Variants in GNA11 observed in about 807,000 individuals in gnomAD.
GNA11 encodes the protein G protein subunit alpha 11, also known as guanine nucleotide-binding protein subunit alpha-11.
Under a neutral mutation model 38.2 loss-of-function variants are expected in GNA11, and 8 were observed. The observed-to-expected ratio is 0.21, with a 90% confidence interval of 0.12 to 0.38. The LOEUF (loss-of-function observed/expected upper bound fraction) is 0.38. GNA11 is among the 10% of genes least tolerant of loss of function. The probability of loss-of-function intolerance (pLI) is 1.00; values close to 1 mark genes in which losing one functional copy is unlikely to be tolerated. For synonymous variants in GNA11, 211 were observed against 221.4 expected (o/e 0.95, Z 0.42); for missense variants, 268 against 516.3 (o/e 0.52, Z 4.66).
rs184222398 is a variant in GNA11 at position 3,097,945 on chromosome 19, A to G, written c.136+3158A>G. 3.1e-4 allele frequency among the ~76,000 whole-genome samples: 46 copies of G among 148,718 alleles called. No homozygotes were observed. In the East Asian group the frequency reaches 7.8e-3, roughly 25 times the overall value. On this transcript the variant is annotated intron_variant, in intron 1 of 6. Transcript: ENST00000078429. ...CCACAGATGTCTCTAGACAGTGCCCATTGTCCCTTGGGGGGCACGTTGCCC... is the reference window on the plus strand; with the variant it reads ...CCACAGATGTCTCTAGACAGTGCCCGTTGTCCCTTGGGGGGCACGTTGCCC...
chr19:3,095,929 T>C (rs308039), intron 1 of GNA11, among the ~76,000 whole-genome samples: 108,813 of 152,018 alleles, frequency 0.72, 39,990 homozygotes, highest in Non-Finnish European at 0.82. Flanking sequence ...GTGTTGTCAC[T>C]CCAAATAAGG....
rs1292082949 is a variant in GNA11, at chr19:3,121,272, C to T, written c.*93C>T. The T allele has an allele frequency of 1.9e-5, 17 of 897,368 alleles. No homozygotes were observed. Among genetic ancestry groups the T allele is most frequent in the Middle Eastern group, 2.2e-4 (1 of 4,470 alleles). The allele number at this position is 897,368 out of a possible 1,614,324, so 55.6% of individuals were successfully genotyped here. On this transcript the variant is annotated 3_prime_UTR_variant, in exon 7 of 7. Coordinates refer to ENST00000078429, the MANE Select transcript of GNA11 (RefSeq NM_002067.5). ...GCCGGGCGGGTGGCGCTGCCGAGTC[C>T]GGGCCGGGGCCTCTGCCCGCGGGAG...
At chr19:3,113,294 G>A (rs1170377341) in intron 2 of GNA11, 36 bp from the exon 3 acceptor site, 4 of 1,604,984 alleles carry the variant, frequency 2.5e-6, no homozygotes, top group Non-Finnish European at 3.4e-6. Flanking sequence ...TGTGGCCCCA[G>A]CGAGCTCTCG....
rs1913754661 is a variant in GNA11, at chr19:3,110,720, C to T, written c.321+387C>T. 6.6e-6 allele frequency among the ~76,000 whole-genome samples: 1 copy of T among 152,234 alleles called. No homozygotes were observed. ...CCCCTTCCCCAGGCTGAGCAGCCTA[C>T]CAGGCACCTCGTTTCGGCCCTGACA... On this transcript the variant is annotated intron_variant, in intron 2 of 6. Transcript: ENST00000078429. The surrounding 1 kb of genome is among the most constrained non-coding windows in gnomAD (Gnocchi z 5.4).
rs1914116178 is a variant in GNA11, at chr19:3,122,753, C to T, written c.*1574C>T. ...AAAAGAAACAGCCCCAAAATACGAC[C>T]ACTCCAACCAGCAGTTCCCGCCTGC... On this transcript the variant is annotated 3_prime_UTR_variant, in exon 7 of 7. Transcript: ENST00000078429. This position sits in a 1 kb window ranked among gnomAD's most constrained non-coding sequence, Gnocchi z 7.7. 3 of 233,678 alleles carry T rather than the reference C, an allele frequency of 1.3e-5. No individual in the cohort carries two copies. The East Asian group carries it at 1.8e-4, about 14-fold the overall frequency. The allele number at this position is 233,678 out of a possible 1,614,324, so 14.5% of individuals were successfully genotyped here.
chr19:3,101,618 C>T (rs1403687209), intron 1 of GNA11, among the ~76,000 whole-genome samples: 3 of 152,128 alleles, frequency 2.0e-5, no homozygotes, highest in Admixed American at 6.5e-5. Context: ...CACTCTTTGG[C>T]GATGGTCAGT....
chr19:3,114,837 C>T (rs1461120022), intron 3 of GNA11, 107 bp from the exon 4 acceptor site: 2 of 1,104,704 alleles, frequency 1.8e-6, no homozygotes, highest in Admixed American at 1.9e-5. Context: ...GTGCGCGGTC[C>T]ACCCCCTCCT....
chr19:3,114,657 A>AC (rs1193483297), intron 3 of GNA11, among the ~76,000 whole-genome samples: 1 of 150,142 alleles, frequency 6.7e-6, no homozygotes, highest in African/African-American at 2.5e-5. Flanking sequence ...TCTACTACAA[A>AC]CCCCCCGAAC....
chr19:3,115,212 T>TG (rs1375350965), intron 4 of GNA11, 140 bp downstream of exon 4: 1 of 920,718 alleles, frequency 1.1e-6, no homozygotes, highest in Non-Finnish European at 1.7e-6. Flanking sequence ...GAGACCACCC[T>TG]GGGCAACATA....
In GNA11 at chr19:3,121,358, T is replaced by C; in HGVS notation, c.*179T>C. The C allele has an allele frequency of 1.8e-6, 1 of 560,576 alleles. No homozygotes were observed. Among genetic ancestry groups the C allele is most frequent in the South Asian group, 2.3e-5 (1 of 44,174 alleles). The allele number at this position is 560,576 out of a possible 1,614,324, so 34.7% of individuals were successfully genotyped here. ...TTTATTTCACAGTTATCAGGGGATG[T>C]ACATCTCTCCCTCCGTACACTTCGC... On this transcript the variant is annotated 3_prime_UTR_variant, in exon 7 of 7. Transcript: ENST00000078429.
chr19:3,104,395 C>T (rs1325749044), intron 1 of GNA11, among the ~76,000 whole-genome samples: 1 of 152,174 alleles, frequency 6.6e-6, no homozygotes, highest in Non-Finnish European at 1.5e-5. Flanking sequence ...GAGGATGTAC[C>T]TCCTGCAGGC....
At chr19:3,103,921 G>A (rs1214282841) in intron 1 of GNA11, among the ~76,000 whole-genome samples, 7 of 152,032 alleles carry the variant, frequency 4.6e-5, no homozygotes, top group African/African-American at 1.7e-4. Context: ...TCCTGACCTC[G>A]TGATCCGCCC....
chr19:3,101,741 G>A (rs1913512865), intron 1 of GNA11, among the ~76,000 whole-genome samples: 1 of 152,244 alleles, frequency 6.6e-6, no homozygotes, highest in South Asian at 2.1e-4. Context: ...CTCCCAGGCT[G>A]TCGGGGGGCT....
In GNA11 at chr19:3,108,038, T is replaced by C. The variant is rs1913679051; in HGVS notation, c.137-2111T>C. ...AGACAATCAAAATCAATTTTCTTTC[T>C]TCTGAAAAGGACTCAGGGTGTTTGA... On this transcript the variant is annotated intron_variant, in intron 1 of 6. Coordinates refer to ENST00000078429, the MANE Select transcript of GNA11 (RefSeq NM_002067.5). The surrounding 1 kb of genome is among the most constrained non-coding windows in gnomAD (Gnocchi z 4.5). Among the ~76,000 whole-genome samples, 3 of 152,210 alleles carry C rather than the reference T, an allele frequency of 2.0e-5. No individual in the cohort carries two copies. Among genetic ancestry groups the C allele is most frequent in the African/African-American group, 7.2e-5 (3 of 41,460 alleles).
At position 3,120,932 on chromosome 19, in the gene GNA11, C is replaced by A; in HGVS notation, c.890-57C>A. Reference sequence around the variant, plus strand: ...CCCCTGGGAGTGACAAAGGGGCCCACGAGTCCCTTGCCCTGGGCCGGGCTG... The same window carrying A: ...CCCCTGGGAGTGACAAAGGGGCCCAAGAGTCCCTTGCCCTGGGCCGGGCTG... On this transcript the variant is annotated intron_variant, in intron 6 of 6. Transcript: ENST00000078429. The surrounding 1 kb of genome is among the most constrained non-coding windows in gnomAD (Gnocchi z 5.9). 7.5e-7 allele frequency: 1 copy of A among 1,340,038 alleles called. No individual in the cohort carries two copies. Among genetic ancestry groups the A allele is most frequent in the East Asian group, 2.3e-5 (1 of 43,084 alleles). 83.0% of individuals were successfully genotyped at this position (1,340,038 alleles called of 1,614,324 possible). A position where few individuals can be genotyped will look rare whatever the true frequency, so the allele number is the denominator to read the frequency against.
intron 1 of GNA11, among the ~76,000 whole-genome samples, chr19:3,109,466 C>T (rs1025691649): frequency 6.6e-6 from 1 of 152,208 alleles, no homozygotes; most frequent in East Asian, 1.9e-4. Flanking sequence ...TCTCTGGAAG[C>T]ATTGTGGGTA....
At chr19:3,101,785 G>A (rs921618139) in intron 1 of GNA11, among the ~76,000 whole-genome samples, 3 of 152,202 alleles carry the variant, frequency 2.0e-5, no homozygotes, top group Non-Finnish European at 4.4e-5. Context: ...CAGCACGTGA[G>A]GAGACGGGAG....
intron 4 of GNA11, 160 bp downstream of exon 4, chr19:3,115,232 CAT>C (rs1425466051): frequency 1.4e-5 from 10 of 736,530 alleles, no homozygotes; most frequent in Non-Finnish European, 2.2e-5. Context: ...AGCCAGACCT[CAT>C]ATCTAAAAAA....
intron 1 of GNA11, among the ~76,000 whole-genome samples, chr19:3,103,496 A>C (rs1913554645): frequency 7.9e-6 from 1 of 126,518 alleles, no homozygotes; most frequent in African/African-American, 3.0e-5. Flanking sequence ...TACAGGCGTG[A>C]GCCACTGCGC....
Sources: allele counts gnomAD v4.1 joint callset (sites outside exome capture counted in the v4.1 genomes callset), GRCh38; gene constraint gnomAD v4.1.1; non-coding constraint Gnocchi (gnomAD v3.1); transcripts MANE v1.5; gene names NCBI Gene and HGNC (gene_info 2026-07-23, HGNC 2026-07-21).